BRWD3: variants seen among roughly 807,000 people sequenced by gnomAD.
BRWD3 encodes the protein bromodomain and WD repeat-containing protein 3.
Under a neutral mutation model 149.7 loss-of-function variants are expected in BRWD3, and 10 were observed. The observed-to-expected ratio is 0.07, with a 90% CI of 0.04 to 0.11. BRWD3 has a LOEUF of 0.11. Among genes scored for constraint, BRWD3 ranks in the 10% least tolerant of loss-of-function variants. The pLI, the probability that BRWD3 is intolerant of heterozygous loss-of-function variation, is 1.00. For synonymous variants in BRWD3, 504 were observed against 456.7 expected, an observed-to-expected ratio of 1.10 and a Z score of -1.32; for missense variants, 940 against 1,373.2, an observed-to-expected ratio of 0.68 and a Z score of 4.99.
chrX:80,783,409 AG>A (rs2147843708), intron 6 of BRWD3, among the ~76,000 whole-genome samples: 1 of 108,676 alleles, frequency 9.2e-6, no homozygotes, highest in Admixed American at 9.9e-5. Flanking sequence ...AAAATCCAAA[AG>A]ACATGCAATA....
chrX:80,747,986 T>C (rs775631135), intron 6 of BRWD3, among the ~76,000 whole-genome samples: 3 of 111,356 alleles, frequency 2.7e-5, no homozygotes, highest in Non-Finnish European at 5.6e-5. Flanking sequence ...CTTCCTGTGC[T>C]ACATTGAATA....
intron 5 of BRWD3, among the ~76,000 whole-genome samples, chrX:80,792,579 A>G (rs1262030239): frequency 8.9e-6 from 1 of 112,194 alleles, no homozygotes; most frequent in Non-Finnish European, 1.9e-5. Flanking sequence ...AAACTCAATT[A>G]AGAATTTCCT....
intron 25 of BRWD3, among the ~76,000 whole-genome samples, chrX:80,697,134 T>C (rs747150043): frequency 3.6e-5 from 4 of 110,528 alleles, no homozygotes; most frequent in Admixed American, 2.9e-4. Flanking sequence ...TAGAATCAAA[T>C]TCTGTTTGGG....
intron 6 of BRWD3, among the ~76,000 whole-genome samples, chrX:80,783,449 G>A (rs2147843811): frequency 9.2e-6 from 1 of 109,086 alleles, no homozygotes; most frequent in African/African-American, 3.3e-5. Flanking sequence ...TTGGAGAAAA[G>A]GGAACCCTTG....
rs1235937981 is a variant in BRWD3, at chrX:80,709,441, T to A, written c.2462A>T (p.Asp821Val). ...CQNSGVQEDS[D>V]SSSEEDETVG... The stretch of plus-strand genomic sequence containing the variant: ...TATATATATAACCTCTGAAGAACTG[T>A]CTGAGTCTTCCTGTACACCTGAATT... The change falls in exon 21 of 41, where the codon GAC (aspartate) becomes GTC (valine). Residue 821 changes from aspartate to valine, a missense_variant. Transcript: ENST00000373275. 1.7e-6 allele frequency: 2 copies of A among 1,206,577 alleles called. No individual in the cohort carries two copies. The highest frequency in any genetic ancestry group is 3.5e-5 in the African/African-American group (2 of 57,020).
chrX:80,686,647 T>C (rs374823461), intron 35 of BRWD3, among the ~76,000 whole-genome samples: 5 of 111,019 alleles, frequency 4.5e-5, no homozygotes, highest in African/African-American at 1.6e-4. Context: ...TGAATTCTGA[T>C]TTAAATTTTT....
At chrX:80,735,896 A>AAT in intron 9 of BRWD3, 92 bp downstream of exon 9, 1 of 556,600 alleles carries the variant, frequency 1.8e-6, no homozygotes, top group Non-Finnish European at 3.0e-6. Context: ...CACATATGTA[A>AAT]ATATATATAT....
intron 6 of BRWD3, among the ~76,000 whole-genome samples, chrX:80,782,897 A>T (rs2074069979): frequency 9.0e-6 from 1 of 110,710 alleles, no homozygotes. Flanking sequence ...GCAAGACCCT[A>T]TTTAAAAATA....
intron 8 of BRWD3, among the ~76,000 whole-genome samples, chrX:80,743,211 T>G (rs2073542558): frequency 8.9e-6 from 1 of 112,147 alleles, no homozygotes. Flanking sequence ...TTGATTTGCA[T>G]ATGTTGAACC....
chrX:80,712,479 G>A (rs2072989818), intron 20 of BRWD3, among the ~76,000 whole-genome samples: 2 of 110,665 alleles, frequency 1.8e-5, no homozygotes, highest in East Asian at 2.9e-4. Context: ...GGAGTGCAGT[G>A]GCGTGATCTC....
chrX:80,742,927 A>G (rs1159271029), intron 8 of BRWD3, among the ~76,000 whole-genome samples: 2 of 111,441 alleles, frequency 1.8e-5, no homozygotes, highest in Non-Finnish European at 3.8e-5. Flanking sequence ...AACTTCCAGC[A>G]CTATGTTGAA....
At chrX:80,783,926 G>T (rs1403737042) in intron 6 of BRWD3, among the ~76,000 whole-genome samples, 1 of 111,263 alleles carries the variant, frequency 9.0e-6, no homozygotes, top group Non-Finnish European at 1.9e-5. Context: ...GGCTGGGAAG[G>T]ATAGTGGGAA....
chrX:80,784,620 T>C (rs779658903), intron 6 of BRWD3, among the ~76,000 whole-genome samples: 12 of 111,608 alleles, frequency 1.1e-4, no homozygotes, highest in African/African-American at 3.3e-4. Context: ...CTCCCACTTA[T>C]GAGTGAGAAC....
rs868612108 is a variant in BRWD3, at chrX:80,725,795, C to A, written c.1387-728G>T. Among the ~76,000 whole-genome samples the A allele has an allele frequency of 9.0e-4, 84 of 93,651 alleles. 2 individuals carry two copies. The highest frequency in any genetic ancestry group is 3.3e-4 in the Non-Finnish European group (16 of 48,695). The allele number at this position is 93,651 out of a possible 115,157, so 81.3% of individuals were successfully genotyped here. Reference sequence around the variant, plus strand: ...TGTTACATGCCTATATAACGTATAACATGTTTACATGTGTTACATGCCTAT... The same window carrying A: ...TGTTACATGCCTATATAACGTATAAAATGTTTACATGTGTTACATGCCTAT... On this transcript the variant is annotated intron_variant, in intron 14 of 40. Coordinates refer to ENST00000373275, the MANE Select transcript of BRWD3 (RefSeq NM_153252.5).
intron 6 of BRWD3, among the ~76,000 whole-genome samples, chrX:80,767,252 G>A (rs2073873099): frequency 8.9e-6 from 1 of 112,170 alleles, no homozygotes; most frequent in Non-Finnish European, 1.9e-5. Flanking sequence ...CTCCTCAAGA[G>A]GTTCCCTGAC....
At chrX:80,715,448 A>T (rs2073062456) in intron 20 of BRWD3, among the ~76,000 whole-genome samples, 2 of 111,321 alleles carry the variant, frequency 1.8e-5, no homozygotes, top group African/African-American at 3.3e-5. Context: ...AAATTACCAC[A>T]CTCTACAGAA....
chrX:80,734,769 A>G (rs2073380391), intron 10 of BRWD3, among the ~76,000 whole-genome samples: 1 of 111,467 alleles, frequency 9.0e-6, no homozygotes, highest in African/African-American at 3.3e-5. Context: ...AAGCACTGTA[A>G]AAGTGTTTTC....
intron 21 of BRWD3, among the ~76,000 whole-genome samples, chrX:80,708,451 C>T (rs1359075121): frequency 1.5e-4 from 7 of 45,781 alleles, no homozygotes; most frequent in East Asian, 7.8e-4. Flanking sequence ...AGTGATAATT[C>T]TTTTAAGATC....
intron 6 of BRWD3, among the ~76,000 whole-genome samples, chrX:80,766,961 C>T (rs765542455): frequency 8.9e-6 from 1 of 112,424 alleles, no homozygotes; most frequent in Non-Finnish European, 1.9e-5. Flanking sequence ...GAGATTATAG[C>T]CCGCACCTGT....
Sources: gnomAD v4.1 joint callset for allele counts (sites outside exome capture counted in the v4.1 genomes callset) on GRCh38, gnomAD v4.1.1 for gene constraint, MANE v1.5 for transcripts, NCBI Gene and HGNC (gene_info 2026-07-23, HGNC 2026-07-21) for gene names.